The following CLHC1 variants were observed in gnomAD, a reference collection of about 807,000 sequenced individuals.
CLHC1 encodes the protein clathrin heavy chain linker domain containing 1.
CLHC1 carries 72 observed loss-of-function variants against 69.5 expected under a neutral mutation model. The ratio of observed to expected loss-of-function variants is 1.04; its 90% CI spans 0.86 to 1.26. The LOEUF (loss-of-function observed/expected upper bound fraction) is 1.26. Ranked by LOEUF, CLHC1 falls within the 50% of genes most tolerant of loss-of-function variation. CLHC1 has a pLI of 0.00. For synonymous variants in CLHC1, 223 were observed against 224.3 expected, an observed-to-expected ratio of 0.99 and a Z score of 0.05; for missense variants, 790 against 679.3, an observed-to-expected ratio of 1.16 and a Z score of -1.81.
At chr2:55,189,701 G>A (rs1670738433) in intron 9 of CLHC1, among the ~76,000 whole-genome samples, 1 of 152,182 alleles carries the variant, frequency 6.6e-6, no homozygotes. Flanking sequence ...TCAGAGATCT[G>A]TACAGCGTTC....
intron 9 of CLHC1, among the ~76,000 whole-genome samples, chr2:55,200,731 T>G (rs1303429099): frequency 6.6e-6 from 1 of 152,162 alleles, no homozygotes; most frequent in Non-Finnish European, 1.5e-5. Context: ...AAATACACAT[T>G]CTTCTTCTTA....
intron 9 of CLHC1, among the ~76,000 whole-genome samples, chr2:55,193,468 T>C (rs1671119385): frequency 1.3e-5 from 2 of 151,790 alleles, no homozygotes; most frequent in South Asian, 4.2e-4. Flanking sequence ...AAAACACAAT[T>C]TACAAATGAG....
rs35517094 is a variant in CLHC1 at position 55,218,677 on chromosome 2, T to C, written c.178-679A>G. ...TCCATTGTACAATCTCCTTTACTGG[T>C]TTATTTATTCATTTATTTTTTGTTA... is the stretch of plus-strand genomic sequence containing the variant. On this transcript the variant is annotated intron_variant, in intron 3 of 12. Coordinates refer to ENST00000401408, the MANE Select transcript of CLHC1 (RefSeq NM_152385.4). 11 of 152,350 alleles carry C rather than the reference T, an allele frequency of 7.2e-5. No individual in the cohort carries two copies. The South Asian group carries it at 2.3e-3, about 32-fold the overall frequency. The allele number at this position is 152,350 out of a possible 1,614,324, so 9.4% of individuals were successfully genotyped here. A position where few individuals can be genotyped will look rare whatever the true frequency, so the allele number is the denominator to read the frequency against.
chr2:55,209,683 C>T lies in CLHC1; in HGVS notation c.648G>A (p.Val216=). 6.2e-7 allele frequency: 1 copy of T among 1,614,096 alleles called. No individual in the cohort carries two copies. Among genetic ancestry groups the T allele is most frequent in the Non-Finnish European group, 8.5e-7 (1 of 1,179,996 alleles). ...RKADLDEEMI[V]LLKRRDVAEN... ...CAGCTACATCTCGCCGTTTTAATAA[C>T]ACAATCATTTCTTCATCTAAATCAG... Residue 216 remains valine, a synonymous_variant, in exon 6 of 13, where the codon GTG becomes GTA. Transcript: ENST00000401408.
chr2:55,191,868 G>A (rs1317618475), intron 9 of CLHC1, among the ~76,000 whole-genome samples: 2 of 152,014 alleles, frequency 1.3e-5, no homozygotes. Flanking sequence ...GTGGTGTGGT[G>A]GTGCACACCT....
intron 9 of CLHC1, among the ~76,000 whole-genome samples, chr2:55,183,724 G>C (rs778620660): frequency 2.0e-4 from 31 of 152,274 alleles, no homozygotes; most frequent in Non-Finnish European, 3.1e-4. Context: ...GAAATTATCA[G>C]CTGGTCTTAA....
intron 12 of CLHC1, among the ~76,000 whole-genome samples, chr2:55,176,585 T>A (rs932422858): frequency 2.6e-5 from 4 of 152,196 alleles, no homozygotes; most frequent in Non-Finnish European, 5.9e-5. Flanking sequence ...TATTTACTTT[T>A]AAAAATATCT....
At chr2:55,224,203 G>C in intron 2 of CLHC1, 1 of 296,182 alleles carries the variant, frequency 3.4e-6, no homozygotes, top group Admixed American at 4.0e-5. Flanking sequence ...ACAAGGCTCA[G>C]TTCAAGCGAA....
At chr2:55,221,713 C>T (rs184872001) in intron 3 of CLHC1, among the ~76,000 whole-genome samples, 1 of 152,216 alleles carries the variant, frequency 6.6e-6, no homozygotes, top group Admixed American at 6.5e-5. Flanking sequence ...ACTGGTAGTT[C>T]ATGCTTGTAA....
Position 55,174,506 on chromosome 2 carries a change from A to G in CLHC1, c.*1284T>C, listed in dbSNP as rs868448377. Among the ~76,000 whole-genome samples the G allele has an allele frequency of 3.3e-5, 5 of 152,186 alleles. No individual in the cohort carries two copies. The highest frequency in any genetic ancestry group is 1.2e-4 in the African/African-American group (5 of 41,450). The stretch of plus-strand genomic sequence containing the variant: ...GGCCGATTACAAAGGAATTACAGCT[A>G]TCTTTTCCTAAGTTCCTCTATCATG... On this transcript the variant is annotated 3_prime_UTR_variant, in exon 13 of 13. Transcript: ENST00000401408.
intron 10 of CLHC1, among the ~76,000 whole-genome samples, chr2:55,180,989 T>C (rs956009085): frequency 3.9e-5 from 6 of 152,088 alleles, no homozygotes; most frequent in Admixed American, 6.5e-5. Context: ...TGCATATATA[T>C]ATATATTTTT....
At chr2:55,210,814 T>C (rs1411074030) in intron 5 of CLHC1, among the ~76,000 whole-genome samples, 1 of 152,178 alleles carries the variant, frequency 6.6e-6, no homozygotes, top group Non-Finnish European at 1.5e-5. Flanking sequence ...TTATTATTCA[T>C]AACTCTCTCT....
intron 9 of CLHC1, among the ~76,000 whole-genome samples, chr2:55,205,496 T>C (rs1456162385): frequency 6.6e-6 from 1 of 151,324 alleles, no homozygotes; most frequent in Non-Finnish European, 1.5e-5. Flanking sequence ...CTAAGTAAAA[T>C]AAATTAGGGC....
chr2:55,222,363 A>C lies in CLHC1; in HGVS notation c.49T>G (p.Cys17Gly), dbSNP rs761066805. 2 of 1,613,892 alleles carry C rather than the reference A, an allele frequency of 1.2e-6. No homozygotes were observed. Among genetic ancestry groups the C allele is most frequent in the Non-Finnish European group, 1.7e-6 (2 of 1,179,928 alleles). ...TCCAAAAATTCCTTGTCACTTCTAC[A>C]AATGATAGGTGGGAGAACTGCATGT... ...RKHAVLPPIICRSDKEFLESV... is the reference protein window; with the variant it reads ...RKHAVLPPIIGRSDKEFLESV... The change falls in exon 3 of 13, where the codon TGT (cysteine) becomes GGT (glycine). Residue 17 changes from cysteine to glycine, a missense_variant. Cys to Gly is a radical substitution (Grantham distance 159). Transcript: ENST00000401408.
chr2:55,173,324 C>T lies in CLHC1; in HGVS notation c.*2466G>A, dbSNP rs142006936. On this transcript the variant is annotated 3_prime_UTR_variant, in exon 13 of 13. Coordinates refer to ENST00000401408, the MANE Select transcript of CLHC1 (RefSeq NM_152385.4). Reference sequence around the variant, plus strand: ...ATTATTATTAGTAACTTTTAAAATACGTTGTGTGTTTCCATTAAGGTTGTA... The same window carrying T: ...ATTATTATTAGTAACTTTTAAAATATGTTGTGTGTTTCCATTAAGGTTGTA... Among the ~76,000 whole-genome samples the T allele has an allele frequency of 1.8e-3, 273 of 152,282 alleles. 2 individuals are homozygous for T. Among genetic ancestry groups the T allele is most frequent in the African/African-American group, 6.2e-3 (256 of 41,566 alleles).
At chr2:55,180,441 T>C (rs1265278453) in intron 11 of CLHC1, 69 bp downstream of exon 11, 2 of 1,100,432 alleles carry the variant, frequency 1.8e-6, no homozygotes, top group Non-Finnish European at 1.4e-6. Context: ...TAGTGCTTGC[T>C]ATTATGGGTA....
chr2:55,207,509 A>C (rs1672563303), intron 8 of CLHC1, among the ~76,000 whole-genome samples: 1 of 152,214 alleles, frequency 6.6e-6, no homozygotes, highest in African/African-American at 2.4e-5. Context: ...GCTCTGCCCA[A>C]AATTATATTT....
At chr2:55,216,570 C>G (rs1673530719) in intron 4 of CLHC1, among the ~76,000 whole-genome samples, 1 of 151,778 alleles carries the variant, frequency 6.6e-6, no homozygotes, top group African/African-American at 2.4e-5. Context: ...GCGTCTCGCT[C>G]TGTCACCCAG....
chr2:55,212,850 T>G, intron 4 of CLHC1, 44 bp from the exon 5 acceptor site: 1 of 1,440,984 alleles, frequency 6.9e-7, no homozygotes, highest in Non-Finnish European at 9.7e-7. Context: ...ACTAACTTAA[T>G]TCTTGAACCA....
Sources: gnomAD v4.1 joint callset for allele counts (sites outside exome capture counted in the v4.1 genomes callset) on GRCh38, gnomAD v4.1.1 for gene constraint, MANE v1.5 for transcripts, NCBI Gene and HGNC (gene_info 2026-07-23, HGNC 2026-07-21) for gene names.